C1orf52: variants seen among roughly 807,000 people sequenced by gnomAD.
C1orf52 encodes UPF0690 protein C1orf52.
C1orf52 carries 5 observed loss-of-function variants against 17.2 expected under a neutral mutation model. The ratio of observed to expected loss-of-function variants is 0.29; its 90% CI spans 0.15 to 0.61. C1orf52 has a LOEUF of 0.61. Ranked by LOEUF, C1orf52 falls within the 20% of genes least tolerant of loss-of-function variation. The pLI is 0.85. For synonymous variants in C1orf52, 110 were observed against 88.0 expected, an observed-to-expected ratio of 1.25 and a Z score of -1.40; for missense variants, 245 against 234.1, an observed-to-expected ratio of 1.05 and a Z score of -0.30.
At chr1:85,256,285 A>G (rs1294777300) in intron 2 of C1orf52, among the ~76,000 whole-genome samples, 2 of 152,178 alleles carry the variant, frequency 1.3e-5, no homozygotes, top group Non-Finnish European at 2.9e-5. Flanking sequence ...AGATTGTTTT[A>G]TCATCTGTAA....
intron 2 of C1orf52, among the ~76,000 whole-genome samples, chr1:85,255,198 A>T (rs187951258): frequency 1.3e-3 from 194 of 152,338 alleles, no homozygotes; most frequent in African/African-American, 4.4e-3. Flanking sequence ...TAATTATTAT[A>T]CATGTCAATA....
intron 2 of C1orf52, among the ~76,000 whole-genome samples, chr1:85,253,393 C>T (rs1197505958): frequency 6.6e-6 from 1 of 152,018 alleles, no homozygotes; most frequent in Non-Finnish European, 1.5e-5. Flanking sequence ...CTTCTTCTGC[C>T]CCATCACCTT....
At position 85,251,935 on chromosome 1, in the gene C1orf52, G is replaced by GTT. The variant is rs1659810711; in HGVS notation, c.*692_*693dup. On this transcript the variant is annotated 3_prime_UTR_variant, in exon 3 of 3. Transcript: ENST00000471115. ...TGATTTTGAGGTTCAAGTGTCCCAAGTTAAATTCCAAATGAACCACTCACT... is the reference window on the plus strand; with the variant it reads ...TGATTTTGAGGTTCAAGTGTCCCAAGTTTTAAATTCCAAATGAACCACTCACT... 6.6e-6 allele frequency: 1 copy of GTT among 152,172 alleles called. No individual in the cohort carries two copies. The highest frequency in any genetic ancestry group is 2.4e-5 in the African/African-American group (1 of 41,444). The allele number at this position is 152,172 out of a possible 1,614,324, so 9.4% of individuals were successfully genotyped here.
At chr1:85,257,885 C>G (rs12403960) in intron 2 of C1orf52, among the ~76,000 whole-genome samples, 9,998 of 152,150 alleles carry the variant, frequency 0.066, 422 homozygotes, top group South Asian at 0.14. Flanking sequence ...GCAGGTGGAT[C>G]ACCTGAGGTC....
rs577203871 is a variant in C1orf52 at position 85,252,401 on chromosome 1, A to G, written c.*228T>C. Reference sequence around the variant, plus strand: ...ATTCTGTGAGAGCAAGAATGCATCCAAGTGTTATCAATTTCACAATCACAA... The same window carrying G: ...ATTCTGTGAGAGCAAGAATGCATCCGAGTGTTATCAATTTCACAATCACAA... On this transcript the variant is annotated 3_prime_UTR_variant, in exon 3 of 3. Coordinates refer to ENST00000471115, the MANE Select transcript of C1orf52 (RefSeq NM_198077.4). 7 of 473,316 alleles carry G rather than the reference A, an allele frequency of 1.5e-5. No homozygotes were observed. The South Asian group carries it at 2.1e-4, about 14-fold the overall frequency. The allele number at this position is 473,316 out of a possible 1,614,324, so 29.3% of individuals were successfully genotyped here. A position where few individuals can be genotyped will look rare whatever the true frequency, so the allele number is the denominator to read the frequency against.
chr1:85,251,464 C>T lies in C1orf52; in HGVS notation c.*1165G>A, dbSNP rs532638023. The T allele has an allele frequency of 1.1e-4, 17 of 152,294 alleles. No homozygotes were observed. The East Asian group carries it at 3.3e-3, about 29-fold the overall frequency. 9.4% of individuals were successfully genotyped at this position (152,294 alleles called of 1,614,324 possible). On this transcript the variant is annotated 3_prime_UTR_variant, in exon 3 of 3. Transcript: ENST00000471115. ...AACCTTTTTATTGTTCAAAATGCTA[C>T]AAATAACTGCATTTTGGAACTCAAC...
intron 1 of C1orf52, chr1:85,259,157 G>T: frequency 8.7e-7 from 1 of 1,151,732 alleles, no homozygotes; most frequent in Non-Finnish European, 1.2e-6. Flanking sequence ...CACAAGGGGC[G>T]GGGCTGCGGG....
intron 1 of C1orf52, 109 bp downstream of exon 1, chr1:85,259,249 C>T (rs1570321817): frequency 1.7e-6 from 2 of 1,157,186 alleles, no homozygotes; most frequent in South Asian, 1.4e-5. Context: ...CGGCATCCCG[C>T]GGGGGTGACT....
chr1:85,257,384 A>C, intron 2 of C1orf52: 1 of 686,438 alleles, frequency 1.5e-6, no homozygotes, highest in Non-Finnish European at 2.7e-6. Context: ...AGCCAGAGAT[A>C]AGAAAGAACA....
intron 2 of C1orf52, among the ~76,000 whole-genome samples, chr1:85,253,385 T>A (rs375081920): frequency 1.3e-5 from 2 of 152,110 alleles, no homozygotes; most frequent in African/African-American, 2.4e-5. Flanking sequence ...AAAAACAACT[T>A]CTTCTGCCCC....
chr1:85,251,801 C>T lies in C1orf52; in HGVS notation c.*828G>A, dbSNP rs1659808765. On this transcript the variant is annotated 3_prime_UTR_variant, in exon 3 of 3. Transcript: ENST00000471115. ...CAATCAGGAGAGGAAAAGATCTCTACTAACGGATCTCCAGGTACAACAGAA... is the reference window on the plus strand; with the variant it reads ...CAATCAGGAGAGGAAAAGATCTCTATTAACGGATCTCCAGGTACAACAGAA... 1 of 152,148 alleles carries T rather than the reference C, an allele frequency of 6.6e-6. No individual in the cohort carries two copies. Among genetic ancestry groups the T allele is most frequent in the Non-Finnish European group, 1.5e-5 (1 of 68,024 alleles). The allele number at this position is 152,148 out of a possible 1,614,324, so 9.4% of individuals were successfully genotyped here. A position where few individuals can be genotyped will look rare whatever the true frequency, so the allele number is the denominator to read the frequency against.
In C1orf52 at chr1:85,258,534, C is replaced by A. The variant is rs138865575; in HGVS notation, c.465G>T (p.Thr155=). 2 of 1,613,370 alleles carry A rather than the reference C, an allele frequency of 1.2e-6. No individual in the cohort carries two copies. Among genetic ancestry groups the A allele is most frequent in the Non-Finnish European group, 1.7e-6 (2 of 1,179,672 alleles). Residue 155 remains threonine (T), a synonymous_variant, in exon 2 of 3, where the codon ACG becomes ACT. Coordinates refer to ENST00000471115, the MANE Select transcript of C1orf52 (RefSeq NM_198077.4). ...KARLLPEGEE[T]LESDDEKDEH... is the part of the protein sequence containing the mutation. ...TCTGACTTTCCTTACCTGATTCCAA[C>A]GTCTCCTCCCCTTCTGGTAGAAGCC...
intron 2 of C1orf52, among the ~76,000 whole-genome samples, chr1:85,254,031 T>C (rs17124233): frequency 0.03 from 4,640 of 152,334 alleles, 244 homozygotes; most frequent in African/African-American, 0.11. Context: ...GCCTTCATTA[T>C]TAAAAAATGT....
chr1:85,256,932 T>C (rs1359745494), intron 2 of C1orf52, among the ~76,000 whole-genome samples: 1 of 151,954 alleles, frequency 6.6e-6, no homozygotes, highest in Non-Finnish European at 1.5e-5. Context: ...GACTAATACA[T>C]ATTAGAAGTC....
Position 85,258,707 on chromosome 1 carries a change from T to G in C1orf52, c.292A>C (p.Lys98Gln), listed in dbSNP as rs1357446013. ...GGTACATAATTTGACTTCCATATTT[T>G]GAATTCCTTTGGAGGCTGTTAAGCA... ...KAPEEPPKEF[K>Q]IWKSNYVPPP... Residue 98 changes from lysine to glutamine, a missense_variant, in exon 2 of 3, where the codon AAA becomes CAA. Coordinates refer to ENST00000471115, the MANE Select transcript of C1orf52 (RefSeq NM_198077.4). 1 of 1,609,216 alleles carries G rather than the reference T, an allele frequency of 6.2e-7. No homozygotes were observed. The highest frequency in any genetic ancestry group is 2.2e-5 in the East Asian group (1 of 44,888).
chr1:85,258,002 C>A (rs138190028), intron 2 of C1orf52, among the ~76,000 whole-genome samples: 3 of 152,122 alleles, frequency 2.0e-5, no homozygotes, highest in African/African-American at 7.2e-5. Flanking sequence ...CGCCTGTAAT[C>A]CCAGCTACTT....
rs146219446 is a variant in C1orf52, at chr1:85,259,527, C to A, written c.107G>T (p.Arg36Leu). 15 of 1,613,798 alleles carry A rather than the reference C, an allele frequency of 9.3e-6. No individual in the cohort carries two copies. The highest frequency in any genetic ancestry group is 1.3e-5 in the Non-Finnish European group (15 of 1,180,012). ...EDNIEPEETS[R>L]RTPDPAKSAG... ...CGACTTCGCCGGATCCGGGGTTCTGCGACTCGTCTCCTCCGGCTCGATGTT... is the reference window on the plus strand; with the variant it reads ...CGACTTCGCCGGATCCGGGGTTCTGAGACTCGTCTCCTCCGGCTCGATGTT... The change falls in exon 1 of 3, where the codon CGC becomes CTC. Residue 36 changes from arginine to leucine, a missense_variant. Transcript: ENST00000471115.
chr1:85,255,791 G>A (rs201164855), intron 2 of C1orf52, among the ~76,000 whole-genome samples: 1 of 27,744 alleles, frequency 3.6e-5, no homozygotes, highest in African/African-American at 1.7e-4. Context: ...TGACATAATT[G>A]ATTTTATAGG....
At chr1:85,258,130 GAAAAAAAAAA>G (rs57958537) in intron 2 of C1orf52, among the ~76,000 whole-genome samples, 1 of 138,818 alleles carries the variant, frequency 7.2e-6, no homozygotes, top group South Asian at 2.2e-4. Context: ...CAAAAAAAAA[GAAAAAAAAAA>G]AGAAAAAGAA....
Sources: gnomAD v4.1 joint callset for allele counts (sites outside exome capture counted in the v4.1 genomes callset) on GRCh38, gnomAD v4.1.1 for gene constraint, MANE v1.5 for transcripts, NCBI Gene and HGNC (gene_info 2026-07-23, HGNC 2026-07-21) for gene names.